SLC22A5: variants seen among roughly 807,000 people sequenced by gnomAD.
SLC22A5 encodes solute carrier family 22 member 5, also known as organic cation/carnitine transporter 2.
In SLC22A5, 44 loss-of-function variants were observed where a neutral mutation model predicts 56.7. The ratio of observed to expected loss-of-function variants is 0.78; its 90% CI spans 0.61 to 1.00. The LOEUF is 1.00. SLC22A5 is among the 50% of genes least tolerant of loss of function. The pLI is 0.00. For missense variants in SLC22A5, 675 were observed against 723.0 expected (o/e 0.93, Z 0.76); for synonymous variants, 278 against 292.1 (o/e 0.95, Z 0.49).
In SLC22A5 at chr5:132,393,684, G is replaced by T; in HGVS notation, c.1459G>T (p.Asp487Tyr). ...SPYFVYLGAY[D>Y]RFLPYILMGS... ...CGTCTGCTTTGCCATAGGTGCCTAC[G>T]ACCGCTTCCTGCCCTACATTCTCAT... The change falls in exon 9 of 10, where the codon GAC becomes TAC. Residue 487 changes from aspartate (D) to tyrosine (Y), a missense_variant. Asp to Tyr is a radical substitution (Grantham distance 160). Transcript: ENST00000245407. The T allele has an allele frequency of 1.2e-6, 2 of 1,614,100 alleles. No homozygotes were observed. Among genetic ancestry groups the T allele is most frequent in the Non-Finnish European group, 1.7e-6 (2 of 1,180,014 alleles).
intron 5 of SLC22A5, among the ~76,000 whole-genome samples, chr5:132,387,597 T>A (rs2073644): frequency 0.46 from 69,850 of 151,466 alleles, 16,726 homozygotes; most frequent in Non-Finnish European, 0.54. Context: ...TTTCATCTCT[T>A]GAGTATTAGC....
At chr5:132,384,418 C>G in intron 3 of SLC22A5, 117 bp downstream of exon 3, 1 of 1,072,292 alleles carries the variant, frequency 9.3e-7, no homozygotes, top group Non-Finnish European at 1.4e-6. Context: ...TCTAACAAAA[C>G]TAGCCAGAGC....
Position 132,390,891 on chromosome 5 carries a change from G to A in SLC22A5, c.1254G>A (p.Gln418=). 6.2e-7 allele frequency: 1 copy of A among 1,613,944 alleles called. No individual in the cohort carries two copies. The stretch of plus-strand genomic sequence containing the variant: ...GTGGCAGTGTCCTTCTCTTCATGCA[G>A]CTGGTACCCCCAGGTAGGGACCATG... The part of the protein sequence containing the change: ...FLGGSVLLFM[Q]LVPPDLYYLA... The change falls in exon 7 of 10, where the codon CAG becomes CAA. Residue 418 remains glutamine (Q), a synonymous_variant. Coordinates refer to ENST00000245407, the MANE Select transcript of SLC22A5 (RefSeq NM_003060.4).
Position 132,385,355 on chromosome 5 carries a change from G to GTA in SLC22A5, c.683_684dup (p.Ile229Ter). The GTA allele has an allele frequency of 6.2e-7, 1 of 1,614,154 alleles. No individual in the cohort carries two copies. The highest frequency in any genetic ancestry group is 8.5e-7 in the Non-Finnish European group (1 of 1,179,994). ...ACAGAAATTCTTGGCAAGTCAGTTC[G>GTA]TATAATATTCTCTACGTTAGGAGTG... On this transcript the variant is annotated frameshift_variant, in exon 4 of 10. Transcript: ENST00000245407. LOFTEE classifies it high-confidence loss of function.
intron 2 of SLC22A5, chr5:132,382,309 T>C (rs918943832): frequency 5.9e-5 from 9 of 152,178 alleles, no homozygotes; most frequent in Admixed American, 1.3e-4. Context: ...TGGTTCCTCA[T>C]GTTCACCATG....
At chr5:132,377,289 C>T (rs1752178523) in intron 1 of SLC22A5, 1 of 152,140 alleles carries the variant, frequency 6.6e-6, no homozygotes, top group South Asian at 2.1e-4. Flanking sequence ...TCTAGGGAGC[C>T]GCATGTCCCC....
chr5:132,372,461 G>C (rs1378480892), intron 1 of SLC22A5, among the ~76,000 whole-genome samples: 1 of 152,196 alleles, frequency 6.6e-6, no homozygotes, highest in Non-Finnish European at 1.5e-5. Flanking sequence ...CTAGTCACTT[G>C]TTCCTGCTTT....
rs1431433635 is a variant in SLC22A5 at position 132,392,582 on chromosome 5, G to A, written c.1417G>A (p.Gly473Ser). The A allele has an allele frequency of 1.9e-6, 3 of 1,614,144 alleles. No homozygotes were observed. The highest frequency in any genetic ancestry group is 2.2e-5 in the East Asian group (1 of 44,874). The change falls in exon 8 of 10, where the codon GGC (glycine) becomes AGC (serine). Residue 473 changes from glycine to serine, a missense_variant. Gly to Ser is a moderately conservative substitution (Grantham distance 56). Coordinates refer to ENST00000245407, the MANE Select transcript of SLC22A5 (RefSeq NM_003060.4). ...VGVSSTASRLGSILSPYFVYL... is the reference protein window; with the variant it reads ...VGVSSTASRLSSILSPYFVYL... ...AGTCAGCTCCACAGCATCCCGCCTG[G>A]GCAGCATCCTGTCTCCCTACTTCGT...
chr5:132,393,253 C>T (rs549636493), intron 8 of SLC22A5, among the ~76,000 whole-genome samples: 1 of 152,268 alleles, frequency 6.6e-6, no homozygotes, highest in South Asian at 2.1e-4. Flanking sequence ...CAAGCAAAAG[C>T]ACCCTGCCTA....
At position 132,392,461 on chromosome 5, in the gene SLC22A5, G is replaced by A. The variant is rs755533900; in HGVS notation, c.1296G>A (p.Val432=). The A allele has an allele frequency of 6.2e-7, 1 of 1,614,242 alleles. No homozygotes were observed. Among genetic ancestry groups the A allele is most frequent in the East Asian group, 2.2e-5 (1 of 44,888 alleles). The change falls in exon 8 of 10, where the codon GTG becomes GTA. Residue 432 remains valine (V), a synonymous_variant. Coordinates refer to ENST00000245407, the MANE Select transcript of SLC22A5 (RefSeq NM_003060.4). ...PDLYYLATVL[V]MVGKFGVTAA... ...TGTATTATTTGGCTACAGTCCTGGT[G>A]ATGGTGGGCAAGTTTGGAGTCACGG...
At chr5:132,374,671 T>C (rs1314873448) in intron 1 of SLC22A5, among the ~76,000 whole-genome samples, 2 of 151,744 alleles carry the variant, frequency 1.3e-5, no homozygotes, top group Non-Finnish European at 2.9e-5. Context: ...CCATGAGTGG[T>C]CAGATTGAGC....
intron 3 of SLC22A5, 33 bp downstream of exon 3, chr5:132,384,334 TC>T (rs1432908651): frequency 1.2e-6 from 2 of 1,602,184 alleles, no homozygotes. Flanking sequence ...GAGTACTTGA[TC>T]CTGTATTTCA....
At position 132,369,979 on chromosome 5, in the gene SLC22A5, G is replaced by A; in HGVS notation, c.7G>A (p.Asp3Asn). 6.2e-7 allele frequency: 1 copy of A among 1,613,034 alleles called. No homozygotes were observed. The highest frequency in any genetic ancestry group is 8.5e-7 in the Non-Finnish European group (1 of 1,179,672). MR[D>N]YDEVTAFLGE... The stretch of plus-strand genomic sequence containing the variant: ...GTGGGCCTCTGAGGGCGGCATGCGG[G>A]ACTACGACGAGGTGACCGCCTTCCT... The change falls in exon 1 of 10, where the codon GAC becomes AAC. Residue 3 changes from aspartate to asparagine, a missense_variant. Coordinates refer to ENST00000245407, the MANE Select transcript of SLC22A5 (RefSeq NM_003060.4).
intron 8 of SLC22A5, among the ~76,000 whole-genome samples, chr5:132,393,226 C>T (rs1005838728): frequency 6.6e-6 from 1 of 152,112 alleles, no homozygotes; most frequent in African/African-American, 2.4e-5. Flanking sequence ...TGTGAACATG[C>T]TATGTAGATC....
intron 6 of SLC22A5, chr5:132,390,300 G>A (rs1580891790): frequency 2.9e-6 from 1 of 348,804 alleles, no homozygotes; most frequent in Non-Finnish European, 5.5e-6. Context: ...CTCACTTGAT[G>A]TCTGCCTCCT....
intron 4 of SLC22A5, 129 bp from the exon 5 acceptor site, chr5:132,386,896 T>G (rs1752550444): frequency 2.0e-6 from 2 of 1,001,626 alleles, no homozygotes; most frequent in Non-Finnish European, 3.2e-6. Context: ...TGCTTCTGGC[T>G]TGTGATCACC....
chr5:132,382,396 G>A (rs1752378047), intron 2 of SLC22A5: 1 of 148,276 alleles, frequency 6.7e-6, no homozygotes, highest in African/African-American at 2.5e-5. Context: ...ACCCCCTGTG[G>A]CCTTCTTTAA....
intron 1 of SLC22A5, chr5:132,378,148 C>T: frequency 1.3e-6 from 2 of 1,563,008 alleles, no homozygotes; most frequent in East Asian, 2.4e-5. Flanking sequence ...CCTGTCTCTC[C>T]TCCTCAAAAT....
chr5:132,378,241 C>G, intron 1 of SLC22A5, 137 bp from the exon 2 acceptor site: 11 of 1,613,902 alleles, frequency 6.8e-6, no homozygotes, highest in Non-Finnish European at 9.3e-6. Context: ...CCCAGGTGAG[C>G]CATCACCTGA....
Sources: allele counts gnomAD v4.1 joint callset (sites outside exome capture counted in the v4.1 genomes callset), GRCh38; gene constraint gnomAD v4.1.1; transcripts MANE v1.5; gene names NCBI Gene and HGNC (gene_info 2026-07-23, HGNC 2026-07-21).